RGL1: variants seen among roughly 807,000 people sequenced by gnomAD.
RGL1 encodes ral guanine nucleotide dissociation stimulator-like 1.
A neutral mutation model predicts 95.2 loss-of-function variants in RGL1; 24 were observed. The observed-to-expected ratio is 0.25, with a 90% CI of 0.18 to 0.35. The LOEUF (loss-of-function observed/expected upper bound fraction) is 0.35, where lower values mean the gene tolerates loss of function less well. Ranked by LOEUF, RGL1 falls within the 10% of genes least tolerant of loss-of-function variation. The pLI is 1.00. For synonymous variants in RGL1, 329 were observed against 344.9 expected, an observed-to-expected ratio of 0.95 and a Z score of 0.51; for missense variants, 715 against 936.3, an observed-to-expected ratio of 0.76 and a Z score of 3.08.
chr1:183,818,657 T>G (rs2102449719), intron 2 of RGL1, among the ~76,000 whole-genome samples: 1 of 152,366 alleles, frequency 6.6e-6, no homozygotes, highest in Non-Finnish European at 1.5e-5. Flanking sequence ...CCATATTTAA[T>G]TAATCATCAT....
intron 2 of RGL1, chr1:183,754,673 C>T (rs1658225032): frequency 6.6e-6 from 1 of 152,194 alleles, no homozygotes; most frequent in South Asian, 2.1e-4. Context: ...CCTTCTATGA[C>T]TGAGAATTAG....
At chr1:183,731,651 C>T (rs983853613) in intron 1 of RGL1, among the ~76,000 whole-genome samples, 8 of 152,134 alleles carry the variant, frequency 5.3e-5, no homozygotes, top group Admixed American at 1.3e-4. Context: ...AAAATGAAAG[C>T]TTTGTTCTAA....
chr1:183,879,985 G>A (rs1367541395), intron 4 of RGL1, among the ~76,000 whole-genome samples: 1 of 152,084 alleles, frequency 6.6e-6, no homozygotes, highest in East Asian at 1.9e-4. Flanking sequence ...TCAAGTTTTT[G>A]TTCTTTATCT....
chr1:183,824,707 AC>A (rs1427297855), intron 2 of RGL1, among the ~76,000 whole-genome samples: 2 of 152,170 alleles, frequency 1.3e-5, no homozygotes, highest in Middle Eastern at 6.3e-3. Flanking sequence ...TAATTATGGG[AC>A]CTGCTTTCTA....
At chr1:183,639,925 C>T (rs1649809120) in intron 1 of RGL1, among the ~76,000 whole-genome samples, 1 of 152,016 alleles carries the variant, frequency 6.6e-6, no homozygotes, top group Non-Finnish European at 1.5e-5. Context: ...TCACTGCAAC[C>T]TCCGACTCCC....
chr1:183,907,852 C>T (rs1477663159), intron 14 of RGL1, among the ~76,000 whole-genome samples: 1 of 151,982 alleles, frequency 6.6e-6, no homozygotes, highest in Non-Finnish European at 1.5e-5. Flanking sequence ...AAAATATTAG[C>T]TGGGCATGGT....
chr1:183,837,656 C>A (rs1558238860), intron 2 of RGL1, among the ~76,000 whole-genome samples: 1 of 152,260 alleles, frequency 6.6e-6, no homozygotes, highest in East Asian at 1.9e-4. Flanking sequence ...TGCCCTAGGT[C>A]CGACAGTAAA....
At chr1:183,840,863 G>A (rs1409124765) in intron 2 of RGL1, among the ~76,000 whole-genome samples, 1 of 152,084 alleles carries the variant, frequency 6.6e-6, no homozygotes, top group Non-Finnish European at 1.5e-5. Context: ...CTGTACTGCG[G>A]CCTGGGCAAT....
chr1:183,863,365 C>CT (rs900969529), intron 3 of RGL1, among the ~76,000 whole-genome samples: 7 of 151,634 alleles, frequency 4.6e-5, no homozygotes, highest in African/African-American at 1.5e-4. Flanking sequence ...CAGCGTCTTG[C>CT]TATGTGTTGC....
chr1:183,810,589 A>G (rs11804304), intron 2 of RGL1, among the ~76,000 whole-genome samples: 4,480 of 152,308 alleles, frequency 0.029, 223 homozygotes, highest in African/African-American at 0.1. Flanking sequence ...ACCTAGAAAC[A>G]TTAGGTCATA....
intron 12 of RGL1, among the ~76,000 whole-genome samples, chr1:183,903,842 G>A (rs1207619574): frequency 6.6e-6 from 1 of 152,178 alleles, no homozygotes; most frequent in African/African-American, 2.4e-5. Context: ...ATACTAACCT[G>A]GACAAATGTA....
chr1:183,814,598 T>G (rs1356183875), intron 2 of RGL1, among the ~76,000 whole-genome samples: 3 of 151,190 alleles, frequency 2.0e-5, no homozygotes, highest in African/African-American at 7.4e-5. Flanking sequence ...GCAATTCAAC[T>G]TTTTTCCCTT....
At chr1:183,906,102 T>G (rs1668303842) in intron 13 of RGL1, among the ~76,000 whole-genome samples, 1 of 151,628 alleles carries the variant, frequency 6.6e-6, no homozygotes. Context: ...GACAGCAAAA[T>G]AAGTATTTAC....
chr1:183,681,422 A>C (rs1653203961), intron 1 of RGL1, among the ~76,000 whole-genome samples: 1 of 152,294 alleles, frequency 6.6e-6, no homozygotes, highest in African/African-American at 2.4e-5. Context: ...TTCTGCATCT[A>C]TTGAGATAAT....
intron 1 of RGL1, among the ~76,000 whole-genome samples, chr1:183,703,152 A>C (rs1654705169): frequency 6.6e-6 from 1 of 152,188 alleles, no homozygotes; most frequent in South Asian, 2.1e-4. Context: ...GCCGGCTTCC[A>C]GGCCCTGGGG....
At chr1:183,891,745 T>G (rs1190402155) in intron 8 of RGL1, among the ~76,000 whole-genome samples, 4 of 46,268 alleles carry the variant, frequency 8.6e-5, no homozygotes, top group Non-Finnish European at 1.9e-4. Flanking sequence ...TTTTTTTTTT[T>G]TTTTTTTTTT....
intron 2 of RGL1, among the ~76,000 whole-genome samples, chr1:183,778,389 G>A (rs1659710648): frequency 6.6e-6 from 1 of 152,122 alleles, no homozygotes; most frequent in Non-Finnish European, 1.5e-5. Flanking sequence ...AAACAGGAGA[G>A]GGAAGACATA....
chr1:183,775,769 C>T (rs977049638), intron 2 of RGL1, among the ~76,000 whole-genome samples: 3 of 152,094 alleles, frequency 2.0e-5, no homozygotes, highest in Non-Finnish European at 4.4e-5. Flanking sequence ...ATATTATTTC[C>T]GTTTTTCTTC....
chr1:183,689,042 T>A (rs767255511), intron 1 of RGL1, among the ~76,000 whole-genome samples: 84 of 152,168 alleles, frequency 5.5e-4, no homozygotes, highest in Non-Finnish European at 1.0e-3. Flanking sequence ...GGCAGACAGA[T>A]CATTAAAATT....
Sources: gnomAD v4.1 joint callset for allele counts (sites outside exome capture counted in the v4.1 genomes callset) on GRCh38, gnomAD v4.1.1 for gene constraint, MANE v1.5 for transcripts, NCBI Gene and HGNC (gene_info 2026-07-23, HGNC 2026-07-21) for gene names.